The following TNNT3 variants were observed in gnomAD, a reference collection of about 807,000 sequenced individuals.
TNNT3 encodes troponin T, fast skeletal muscle.
In TNNT3, 36 loss-of-function variants were observed where a neutral mutation model predicts 54.2. The ratio of observed to expected loss-of-function variants is 0.66; its 90% CI spans 0.51 to 0.88. TNNT3 has a LOEUF of 0.88. Among genes scored for constraint, TNNT3 ranks in the 40% least tolerant of loss-of-function variants. The probability of loss-of-function intolerance (pLI) is 0.00; values close to 1 mark genes in which losing one functional copy is unlikely to be tolerated. For synonymous variants in TNNT3, 120 were observed against 109.7 expected, an observed-to-expected ratio of 1.09 and a Z score of -0.59; for missense variants, 291 against 331.6, an observed-to-expected ratio of 0.88 and a Z score of 0.95.
Position 1,934,442 on chromosome 11 carries a change from C to G in TNNT3, c.477C>G (p.Ala159=). 6.2e-7 allele frequency: 1 copy of G among 1,613,484 alleles called. No individual in the cohort carries two copies. Among genetic ancestry groups the G allele is most frequent in the South Asian group, 1.1e-5 (1 of 91,068 alleles). ...GAGCCAACTACAGCAGCTACCTGGC[C>G]AAGGTGTGTGCCGCTGCTGGGAGCA... The part of the protein sequence containing the change: ...SMGANYSSYL[A]KADQKRGKKQ... The change falls in exon 12 of 16, where the codon GCC becomes GCG. Residue 159 remains alanine (A), a synonymous_variant. Transcript: ENST00000278317.
intron 9 of TNNT3, 48 bp downstream of exon 9, chr11:1,932,562 C>G (rs771098385): frequency 4.4e-6 from 7 of 1,600,768 alleles, no homozygotes; most frequent in Non-Finnish European, 6.0e-6. Context: ...TCCCCACACC[C>G]CAGCTTTTGG....
At chr11:1,935,144 G>C (rs770182320) in intron 14 of TNNT3, 6 of 618,088 alleles carry the variant, frequency 9.7e-6, no homozygotes, top group Non-Finnish European at 1.7e-5. Flanking sequence ...CGCCCTGAGC[G>C]ATGAACCTGG....
chr11:1,922,580 C>T (rs934746041), intron 1 of TNNT3, among the ~76,000 whole-genome samples: 1 of 152,130 alleles, frequency 6.6e-6, no homozygotes, highest in African/African-American at 2.4e-5. Flanking sequence ...GACCTTCCAA[C>T]ATCCCTTCCA....
At chr11:1,937,640 G>T (rs1855508552) in intron 15 of TNNT3, among the ~76,000 whole-genome samples, 1 of 152,204 alleles carries the variant, frequency 6.6e-6, no homozygotes, top group Non-Finnish European at 1.5e-5. Flanking sequence ...TTTCCCCAAG[G>T]ATCGCAGTGT....
At position 1,932,452 on chromosome 11, in the gene TNNT3, C is replaced by G. The variant is rs201689806; in HGVS notation, c.126-17C>G. ...TCTCCGGGTCTCTGCTCACGGGCCT[C>G]TCTGTCTCCTCTTCAGACTCACTGC... is the stretch of plus-strand genomic sequence containing the variant. On this transcript the variant is annotated splice_polypyrimidine_tract_variant and intron_variant, in intron 8 of 15. Coordinates refer to ENST00000278317, the MANE Select transcript of TNNT3 (RefSeq NM_006757.4). The G allele has an allele frequency of 3.7e-6, 6 of 1,613,560 alleles. No homozygotes were observed. Among genetic ancestry groups the G allele is most frequent in the Non-Finnish European group, 5.1e-6 (6 of 1,179,932 alleles).
intron 5 of TNNT3, 123 bp downstream of exon 5, chr11:1,925,239 C>T (rs937047796): frequency 3.5e-5 from 57 of 1,606,218 alleles, no homozygotes; most frequent in Non-Finnish European, 4.7e-5. Flanking sequence ...TCTCCTCTCT[C>T]CCCCGGCTCT....
At chr11:1,929,377 G>A (rs1852632933) in intron 7 of TNNT3, among the ~76,000 whole-genome samples, 1 of 152,226 alleles carries the variant, frequency 6.6e-6, no homozygotes, top group Admixed American at 6.5e-5. Flanking sequence ...CCACACAGCG[G>A]AGGGGGAGTA....
In TNNT3 at chr11:1,935,124, G is replaced by A. The variant is rs1252912031; in HGVS notation, c.681+205G>A. 11 of 651,680 alleles carry A rather than the reference G, an allele frequency of 1.7e-5. No individual in the cohort carries two copies. In the East Asian group the frequency reaches 3.0e-4, roughly 18 times the overall value. 40.4% of individuals were successfully genotyped at this position (651,680 alleles called of 1,614,324 possible). ...GTGGCCAGAGCCCGTCCTCCTGGCT[G>A]GCCATGCAGCGCCCTGAGCGATGAA... On this transcript the variant is annotated intron_variant, in intron 14 of 15. Transcript: ENST00000278317.
At chr11:1,923,110 C>T (rs777581171) in intron 3 of TNNT3, 49 bp downstream of exon 3, 1 of 1,610,302 alleles carries the variant, frequency 6.2e-7, no homozygotes, top group East Asian at 2.2e-5. Context: ...AGAAGGAAGG[C>T]TCACATGTGG....
At chr11:1,934,748 A>G in intron 13 of TNNT3, 81 bp from the exon 14 acceptor site, 1 of 1,594,302 alleles carries the variant, frequency 6.3e-7, no homozygotes, top group Non-Finnish European at 8.6e-7. Context: ...CGTGCTCCCC[A>G]GTGGCTGCAG....
At chr11:1,920,983 G>A (rs1207387638) in intron 1 of TNNT3, among the ~76,000 whole-genome samples, 1 of 152,156 alleles carries the variant, frequency 6.6e-6, no homozygotes, top group African/African-American at 2.4e-5. Flanking sequence ...TCCAGCGCAC[G>A]TCGGGGGGCC....
intron 8 of TNNT3, among the ~76,000 whole-genome samples, chr11:1,931,373 G>A (rs1479195684): frequency 6.6e-6 from 1 of 152,358 alleles, no homozygotes; most frequent in East Asian, 1.9e-4. Context: ...TTCCACAAGG[G>A]CCTGGCCAAC....
chr11:1,932,360 G>A, intron 8 of TNNT3, 109 bp from the exon 9 acceptor site: 1 of 1,039,334 alleles, frequency 9.6e-7, no homozygotes, highest in South Asian at 1.3e-5. Flanking sequence ...CTGGGGGCCA[G>A]AGCAGGAGGG....
At chr11:1,936,395 C>A in intron 14 of TNNT3, 1 of 958,804 alleles carries the variant, frequency 1.0e-6, no homozygotes, top group South Asian at 1.5e-5. Flanking sequence ...CCCGCTCTCC[C>A]CTCGTGCCTG....
intron 9 of TNNT3, among the ~76,000 whole-genome samples, chr11:1,933,391 C>T (rs185026983): frequency 1.2e-3 from 185 of 152,352 alleles, no homozygotes; most frequent in Non-Finnish European, 2.2e-3. Context: ...GCAGTCTTCT[C>T]TCTGCCAGGC....
chr11:1,922,721 C>A, intron 1 of TNNT3, 136 bp from the exon 2 acceptor site: 1 of 818,978 alleles, frequency 1.2e-6, no homozygotes, highest in South Asian at 1.4e-5. Context: ...CACCCAAGGC[C>A]AGAGCTGGCC....
chr11:1,925,170 C>T (rs1851197098), intron 5 of TNNT3, 54 bp downstream of exon 5: 1 of 1,602,344 alleles, frequency 6.2e-7, no homozygotes. Flanking sequence ...CCTTCCCGCC[C>T]CACCCAAAGT....
At chr11:1,924,378 G>A (rs1378141670) in intron 4 of TNNT3, among the ~76,000 whole-genome samples, 33 of 152,312 alleles carry the variant, frequency 2.2e-4, no homozygotes, top group Non-Finnish European at 7.3e-5. Context: ...GGCCGACGGC[G>A]CTGCCCTGGA....
At chr11:1,921,158 G>A (rs976878845) in intron 1 of TNNT3, among the ~76,000 whole-genome samples, 4 of 152,158 alleles carry the variant, frequency 2.6e-5, no homozygotes, top group African/African-American at 7.2e-5. Context: ...CCACGTCTTG[G>A]GTTTCTGGGC....
Sources: gnomAD v4.1 joint callset for allele counts (sites outside exome capture counted in the v4.1 genomes callset) on GRCh38, gnomAD v4.1.1 for gene constraint, MANE v1.5 for transcripts, NCBI Gene and HGNC (gene_info 2026-07-23, HGNC 2026-07-21) for gene names.